Variants in ATOSA observed in about 807,000 individuals in gnomAD.
ATOSA encodes the protein atos homolog protein A.
At chr15:52,654,583 G>GTT in the ATOSA span, among the ~76,000 whole-genome samples, 2 of 152,010 alleles carry the variant, frequency 1.3e-5, no homozygotes, top group Non-Finnish European at 2.9e-5. Context: ...TGCTCCTCCG[G>GTT]AACACACTTA....
At chr15:52,686,680 T>G in the ATOSA span, among the ~76,000 whole-genome samples, 3 of 152,208 alleles carry the variant, frequency 2.0e-5, no homozygotes. Flanking sequence ...GAGCTATTCC[T>G]TTATTTGCTG....
chr15:52,584,854 G>A, the ATOSA span: 10 of 1,613,136 alleles, frequency 6.2e-6, no homozygotes, highest in East Asian at 2.2e-5. Context: ...GTTCTTTGTC[G>A]TAGGAATGTC....
the ATOSA span, among the ~76,000 whole-genome samples, chr15:52,665,161 C>G: frequency 5.9e-5 from 9 of 152,170 alleles, no homozygotes; most frequent in African/African-American, 1.9e-4. Flanking sequence ...GGGTACTATG[C>G]TCACCACCTG....
At chr15:52,671,073 G>A in the ATOSA span, among the ~76,000 whole-genome samples, 1 of 152,140 alleles carries the variant, frequency 6.6e-6, no homozygotes, top group Non-Finnish European at 1.5e-5. Context: ...ATTCAGCACA[G>A]GGGGTGGACA....
At chr15:52,689,628 C>A in the ATOSA span, among the ~76,000 whole-genome samples, 1 of 152,226 alleles carries the variant, frequency 6.6e-6, no homozygotes, top group Non-Finnish European at 1.5e-5. Flanking sequence ...CCCCTGGTCA[C>A]AAGTGGCTGA....
At chr15:52,681,577 C>A in the ATOSA span, among the ~76,000 whole-genome samples, 2 of 152,128 alleles carry the variant, frequency 1.3e-5, no homozygotes, top group East Asian at 3.9e-4. Flanking sequence ...CTGTTCACAC[C>A]TCAGAGCACA....
the ATOSA span, among the ~76,000 whole-genome samples, chr15:52,621,923 C>G: frequency 6.6e-6 from 1 of 151,446 alleles, no homozygotes; most frequent in Non-Finnish European, 1.5e-5. Flanking sequence ...GATCTCGACT[C>G]ACTGCAACCT....
At chr15:52,702,251 C>T in the ATOSA span, among the ~76,000 whole-genome samples, 1 of 152,054 alleles carries the variant, frequency 6.6e-6, no homozygotes, top group Admixed American at 6.6e-5. Flanking sequence ...CCCAGAAATC[C>T]CCTTATCAGG....
chr15:52,613,794 A>G, the ATOSA span: 1 of 1,613,944 alleles, frequency 6.2e-7, no homozygotes, highest in Non-Finnish European at 8.5e-7. Context: ...TCCTTCTGTT[A>G]TCAGCAAGGC....
At chr15:52,620,563 AAGG>A in the ATOSA span, among the ~76,000 whole-genome samples, 1 of 152,178 alleles carries the variant, frequency 6.6e-6, no homozygotes, top group Admixed American at 6.5e-5. Flanking sequence ...CCTGCCAGAG[AAGG>A]AGAAGGAGTC....
chr15:52,677,162 G>A, the ATOSA span, among the ~76,000 whole-genome samples: 2 of 152,182 alleles, frequency 1.3e-5, no homozygotes, highest in African/African-American at 2.4e-5. Context: ...CATCTAATTC[G>A]TAGGATAAAT....
chr15:52,595,567 TA>T, the ATOSA span, among the ~76,000 whole-genome samples: 1 of 146,834 alleles, frequency 6.8e-6, no homozygotes, highest in South Asian at 2.1e-4. Flanking sequence ...GGCACGAAAA[TA>T]AAAAAGCCAA....
At chr15:52,669,590 G>A in the ATOSA span, among the ~76,000 whole-genome samples, 2 of 152,156 alleles carry the variant, frequency 1.3e-5, no homozygotes, top group Admixed American at 6.5e-5. Flanking sequence ...AGATACTGAC[G>A]CTAAATTAAT....
the ATOSA span, among the ~76,000 whole-genome samples, chr15:52,661,593 C>T: frequency 6.6e-6 from 1 of 152,118 alleles, no homozygotes; most frequent in African/African-American, 2.4e-5. Context: ...TTTTCACGCC[C>T]TCAGCTTTTT....
At chr15:52,690,198 A>G in the ATOSA span, among the ~76,000 whole-genome samples, 3 of 152,218 alleles carry the variant, frequency 2.0e-5, no homozygotes, top group Non-Finnish European at 4.4e-5. Context: ...TACATATGTC[A>G]GTTACTTATT....
the ATOSA span, among the ~76,000 whole-genome samples, chr15:52,707,077 G>A: frequency 6.6e-6 from 1 of 152,170 alleles, no homozygotes; most frequent in Non-Finnish European, 1.5e-5. Flanking sequence ...ACAAATGGCG[G>A]TAAAGACTTC....
the ATOSA span, among the ~76,000 whole-genome samples, chr15:52,607,225 G>A: frequency 1.3e-5 from 2 of 152,124 alleles, no homozygotes; most frequent in African/African-American, 4.8e-5. Flanking sequence ...GTAACTTGGT[G>A]GTTTCCCTAT....
chr15:52,600,482 AACTCT>A, the ATOSA span, among the ~76,000 whole-genome samples: 1 of 152,154 alleles, frequency 6.6e-6, no homozygotes, highest in South Asian at 2.1e-4. Context: ...AGAAAATCTG[AACTCT>A]ACTCAAACTA....
At chr15:52,609,474 C>T in the ATOSA span, 2 of 1,613,652 alleles carry the variant, frequency 1.2e-6, no homozygotes, top group South Asian at 2.2e-5. Flanking sequence ...CTTGCCGCTC[C>T]TGGAGTAAAG....
Sources: allele counts gnomAD v4.1 joint callset (sites outside exome capture counted in the v4.1 genomes callset), GRCh38; gene constraint gnomAD v4.1.1; transcripts MANE v1.5; gene names NCBI Gene and HGNC (gene_info 2026-07-23, HGNC 2026-07-21).